Variants in PTPRD observed in about 807,000 individuals in gnomAD.
The protein encoded by PTPRD is receptor-type tyrosine-protein phosphatase delta.
In PTPRD, 34 loss-of-function variants were observed where a neutral mutation model predicts 214.5. That is an observed-to-expected ratio of 0.16 (90% CI 0.12 to 0.21). The LOEUF (loss-of-function observed/expected upper bound fraction) is 0.21. Ranked by LOEUF, PTPRD falls within the 10% of genes least tolerant of loss-of-function variation. The pLI is 1.00. For missense variants in PTPRD, 2,545 were observed against 2,398.7 expected (o/e 1.06, Z -1.27); for synonymous variants, 1,128 against 845.7 (o/e 1.33, Z -5.79).
chr9:10,167,480 A>T (rs1454808513), intron 3 of PTPRD, among the ~76,000 whole-genome samples: 1 of 152,214 alleles, frequency 6.6e-6, no homozygotes, highest in Non-Finnish European at 1.5e-5. Flanking sequence ...GGAGATCCAC[A>T]GTCCTCTTCA....
intron 39 of PTPRD, among the ~76,000 whole-genome samples, chr9:8,354,470 A>G (rs1189897659): frequency 5.3e-5 from 8 of 152,224 alleles, no homozygotes; most frequent in African/African-American, 1.7e-4. Flanking sequence ...GGCTATCCAC[A>G]TAACTGAATT....
intron 10 of PTPRD, among the ~76,000 whole-genome samples, chr9:9,050,884 A>G (rs1313645116): frequency 6.6e-6 from 1 of 152,202 alleles, no homozygotes; most frequent in African/African-American, 2.4e-5. Flanking sequence ...ATGTATAGGA[A>G]AAAACACAAT....
chr9:10,195,010 G>A (rs1243745213), intron 3 of PTPRD, among the ~76,000 whole-genome samples: 1 of 146,168 alleles, frequency 6.8e-6, no homozygotes, highest in Admixed American at 7.0e-5. Flanking sequence ...CCGGCTCACT[G>A]TAACCTCTGC....
chr9:10,446,978 C>G (rs979492008), intron 2 of PTPRD, among the ~76,000 whole-genome samples: 1 of 152,112 alleles, frequency 6.6e-6, no homozygotes, highest in Non-Finnish European at 1.5e-5. Context: ...TTTAGTGAGA[C>G]GATCAGCCCA....
At chr9:10,598,614 T>C (rs955688275) in intron 2 of PTPRD, among the ~76,000 whole-genome samples, 3 of 151,500 alleles carry the variant, frequency 2.0e-5, no homozygotes, top group Non-Finnish European at 4.4e-5. Flanking sequence ...GCATTCAACA[T>C]TATGGAGCCT....
At chr9:10,046,989 T>G (rs2097411436) in intron 3 of PTPRD, among the ~76,000 whole-genome samples, 1 of 151,974 alleles carries the variant, frequency 6.6e-6, no homozygotes, top group Non-Finnish European at 1.5e-5. Flanking sequence ...GGAAATTGTA[T>G]ATTCAATTTT....
At chr9:8,365,016 A>G (rs545486476) in intron 39 of PTPRD, among the ~76,000 whole-genome samples, 1 of 152,296 alleles carries the variant, frequency 6.6e-6, no homozygotes, top group African/African-American at 2.4e-5. Flanking sequence ...AATTTTAAGG[A>G]CCATACTGCA....
chr9:9,708,187 T>A (rs934047806), intron 7 of PTPRD, among the ~76,000 whole-genome samples: 5 of 150,540 alleles, frequency 3.3e-5, no homozygotes, highest in Non-Finnish European at 7.4e-5. Context: ...AATAATATGT[T>A]TACAGAAAGT....
rs919474373 is a variant in PTPRD, at chr9:8,563,593, C to T, written c.353-34814G>A. ...TTGGGACTATAGACATCTGCCGCCA[C>T]ACCTGGCTAATTTTTGTATTTTTAG... On this transcript the variant is annotated intron_variant, in intron 14 of 45. Coordinates refer to ENST00000381196, the MANE Select transcript of PTPRD (RefSeq NM_002839.4). Among the ~76,000 whole-genome samples, 5 of 151,900 alleles carry T rather than the reference C, an allele frequency of 3.3e-5. No individual in the cohort carries two copies. In the East Asian group the frequency reaches 9.7e-4, roughly 29 times the overall value.
intron 7 of PTPRD, among the ~76,000 whole-genome samples, chr9:9,668,713 G>A (rs186032002): frequency 1.1e-3 from 173 of 151,972 alleles, no homozygotes; most frequent in African/African-American, 3.7e-3. Context: ...ATTACTTTGC[G>A]TACTCTTAAT....
At position 9,940,123 on chromosome 9, in the gene PTPRD, C is replaced by T. The variant is rs544074181; in HGVS notation, c.-471-1513G>A. ...CAAGGAAGGTATGATGGAGTTGATA[C>T]CATCTCTAGACTTGCAGGGATGAGG... On this transcript the variant is annotated intron_variant, in intron 4 of 45. Coordinates refer to ENST00000381196, the MANE Select transcript of PTPRD (RefSeq NM_002839.4). 3.3e-5 allele frequency among the ~76,000 whole-genome samples: 5 copies of T among 152,202 alleles called. No homozygotes were observed. The South Asian group carries it at 8.3e-4, about 25-fold the overall frequency.
At chr9:8,810,705 T>C (rs909632089) in intron 11 of PTPRD, among the ~76,000 whole-genome samples, 3 of 152,228 alleles carry the variant, frequency 2.0e-5, no homozygotes, top group African/African-American at 7.2e-5. Flanking sequence ...ATTTGAATTT[T>C]GGTTACCCTG....
At chr9:10,409,625 T>C (rs2098413834) in intron 2 of PTPRD, among the ~76,000 whole-genome samples, 1 of 151,854 alleles carries the variant, frequency 6.6e-6, no homozygotes, top group Non-Finnish European at 1.5e-5. Context: ...ATATACATTG[T>C]GGTTTTAAAA....
intron 12 of PTPRD, among the ~76,000 whole-genome samples, chr9:8,681,043 C>A (rs955664546): frequency 6.6e-6 from 1 of 152,154 alleles, no homozygotes; most frequent in Admixed American, 6.5e-5. Context: ...TTCCTCCTCT[C>A]CCTTCCTTCA....
At chr9:9,401,108 C>T (rs547510647) in intron 8 of PTPRD, among the ~76,000 whole-genome samples, 1 of 151,894 alleles carries the variant, frequency 6.6e-6, no homozygotes, top group Non-Finnish European at 1.5e-5. Flanking sequence ...CAAGCTATTT[C>T]AGTATTGACT....
At chr9:9,270,718 G>A (rs1035739982) in intron 9 of PTPRD, among the ~76,000 whole-genome samples, 2 of 151,428 alleles carry the variant, frequency 1.3e-5, no homozygotes, top group African/African-American at 4.8e-5. Context: ...AGAATGGTAT[G>A]CAGAAAGATC....
At chr9:8,796,499 A>G (rs1439049327) in intron 11 of PTPRD, among the ~76,000 whole-genome samples, 2 of 152,158 alleles carry the variant, frequency 1.3e-5, no homozygotes, top group Non-Finnish European at 2.9e-5. Flanking sequence ...TCATCAGAGT[A>G]CTTGTGACTA....
At chr9:8,869,795 G>T (rs1246716176) in intron 11 of PTPRD, among the ~76,000 whole-genome samples, 2 of 150,986 alleles carry the variant, frequency 1.3e-5, no homozygotes, top group Admixed American at 1.3e-4. Context: ...ATGTAATTCT[G>T]CTCTGCACAG....
At chr9:10,405,158 T>C (rs1158755350) in intron 2 of PTPRD, among the ~76,000 whole-genome samples, 1 of 151,570 alleles carries the variant, frequency 6.6e-6, no homozygotes, top group Non-Finnish European at 1.5e-5. Context: ...AAAATTAACC[T>C]TCCAAAAAAG....
Sources: gnomAD v4.1 joint callset for allele counts (sites outside exome capture counted in the v4.1 genomes callset) on GRCh38, gnomAD v4.1.1 for gene constraint, MANE v1.5 for transcripts, NCBI Gene and HGNC (gene_info 2026-07-23, HGNC 2026-07-21) for gene names.